Variants in EML6 observed in about 807,000 individuals in gnomAD.
EML6 encodes EMAP like 6, also known as echinoderm microtubule-associated protein-like 6.
Under a neutral mutation model 240.1 loss-of-function variants are expected in EML6, and 154 were observed. The observed-to-expected ratio is 0.64, with a 90% CI of 0.56 to 0.73. EML6 has a LOEUF of 0.73. EML6 is among the 30% of genes least tolerant of loss of function. The pLI is 0.00. For missense variants in EML6, 2,964 were observed against 2,474.6 expected (o/e 1.20, Z -4.20); for synonymous variants, 1,148 against 899.0 (o/e 1.28, Z -4.95).
chr2:54,913,282 G>T (rs1429157858), intron 25 of EML6, among the ~76,000 whole-genome samples: 2 of 149,468 alleles, frequency 1.3e-5, no homozygotes, highest in Admixed American at 6.7e-5. Context: ...GGGTCTTGCT[G>T]TATCACCCAG....
chr2:54,864,085 C>T (rs1670834004), intron 13 of EML6, among the ~76,000 whole-genome samples, 196 bp downstream of exon 13: 1 of 152,204 alleles, frequency 6.6e-6, no homozygotes, highest in Non-Finnish European at 1.5e-5. Flanking sequence ...AAATTTATTT[C>T]AGCAGAAAGT....
chr2:54,780,935 C>A (rs1668829177), intron 2 of EML6, among the ~76,000 whole-genome samples: 1 of 152,078 alleles, frequency 6.6e-6, no homozygotes, highest in Admixed American at 6.6e-5. Context: ...ATTTATAATT[C>A]TTTGGGCGGT....
chr2:54,934,871 A>G (rs1675055556), intron 28 of EML6, among the ~76,000 whole-genome samples: 1 of 152,204 alleles, frequency 6.6e-6, no homozygotes, highest in Non-Finnish European at 1.5e-5. Flanking sequence ...ATTTTTTTAC[A>G]TCTCAAACTG....
At chr2:54,748,618 G>T (rs555218648) in intron 2 of EML6, among the ~76,000 whole-genome samples, 1 of 152,222 alleles carries the variant, frequency 6.6e-6, no homozygotes, top group South Asian at 2.1e-4. Context: ...GGAGTGCAGT[G>T]GTAGGATCAT....
chr2:54,801,478 GT>G (rs1187248324), intron 2 of EML6, among the ~76,000 whole-genome samples: 1 of 152,210 alleles, frequency 6.6e-6, no homozygotes, highest in Non-Finnish European at 1.5e-5. Context: ...CAAAGTAGGA[GT>G]TTATTCATGC....
chr2:54,911,628 G>C (rs190852221), intron 25 of EML6, among the ~76,000 whole-genome samples: 23 of 152,028 alleles, frequency 1.5e-4, no homozygotes, highest in African/African-American at 5.5e-4. Context: ...GTAGAGATGG[G>C]GTTTCCCCAT....
At chr2:54,917,431 C>G (rs1287432830) in intron 26 of EML6, among the ~76,000 whole-genome samples, 1 of 146,422 alleles carries the variant, frequency 6.8e-6, no homozygotes, top group Non-Finnish European at 1.5e-5. Context: ...GTGGCGCCAT[C>G]TCGGCTGACC....
chr2:54,841,628 C>T (rs922597523), intron 7 of EML6, among the ~76,000 whole-genome samples: 6 of 137,708 alleles, frequency 4.4e-5, no homozygotes, highest in Admixed American at 3.0e-4. Flanking sequence ...CTTGCTCTGT[C>T]GCCCAGGCTG....
At chr2:54,811,298 G>C (rs1667829373) in intron 2 of EML6, among the ~76,000 whole-genome samples, 1 of 152,180 alleles carries the variant, frequency 6.6e-6, no homozygotes, top group Non-Finnish European at 1.5e-5. Flanking sequence ...GGCTAAGGCA[G>C]CTTTCAAGAG....
At chr2:54,936,382 G>T (rs1478551070) in intron 28 of EML6, among the ~76,000 whole-genome samples, 1 of 152,188 alleles carries the variant, frequency 6.6e-6, no homozygotes, top group Non-Finnish European at 1.5e-5. Flanking sequence ...AATGCCTCCT[G>T]TTTGACATAG....
chr2:54,905,980 A>G lies in EML6; in HGVS notation c.3409+2478A>G, dbSNP rs77408390. On this transcript the variant is annotated intron_variant, in intron 24 of 41. Transcript: ENST00000356458. ...TTCAGCCACTGTGAGTGATGCTGCT[A>G]TGAACATGGATGTACAAATATATCT... Among the ~76,000 whole-genome samples the G allele has an allele frequency of 3.5e-3, 539 of 152,346 alleles. 2 individuals carry two copies. The highest frequency in any genetic ancestry group is 5.5e-3 in the Admixed American group (84 of 15,306).
chr2:54,835,560 TCTC>T (rs1476816758), intron 7 of EML6, among the ~76,000 whole-genome samples: 4 of 152,158 alleles, frequency 2.6e-5, no homozygotes, highest in African/African-American at 9.7e-5. Flanking sequence ...TCCACTTAGT[TCTC>T]CTGCCCCAGA....
intron 26 of EML6, among the ~76,000 whole-genome samples, chr2:54,920,531 A>G (rs961921453): frequency 2.0e-5 from 3 of 152,340 alleles, no homozygotes; most frequent in East Asian, 3.9e-4. Flanking sequence ...CCTCCCAGAA[A>G]AGGCCAAGAC....
chr2:54,949,428 A>G (rs1003655445), intron 29 of EML6, among the ~76,000 whole-genome samples: 1 of 151,994 alleles, frequency 6.6e-6, no homozygotes. Context: ...TACTGTTTCC[A>G]TTTTCCCGAC....
chr2:54,968,181 A>T lies in EML6; in HGVS notation c.5651A>T (p.Asp1884Val). The change falls in exon 40 of 42, where the codon GAT (aspartate) becomes GTT (valine). Residue 1884 changes from aspartate to valine, a missense_variant. Physicochemically the swap from Asp to Val is radical, Grantham distance 152. Coordinates refer to ENST00000356458, the MANE Select transcript of EML6 (RefSeq NM_001039753.4). The part of the protein sequence containing the change: ...GIWPRNADKA[D>V]VNCACVTHAG... The stretch of plus-strand genomic sequence containing the variant: ...TGGCCACGAAATGCAGACAAGGCTG[A>T]TGTCAACTGCGCATGTGTGACCCAC... 6.4e-7 allele frequency: 1 copy of T among 1,551,708 alleles called. No homozygotes were observed. The highest frequency in any genetic ancestry group is 8.7e-7 in the Non-Finnish European group (1 of 1,147,004).
chr2:54,791,340 A>T (rs191086988), intron 2 of EML6, among the ~76,000 whole-genome samples: 26 of 152,324 alleles, frequency 1.7e-4, no homozygotes, highest in Non-Finnish European at 3.2e-4. Flanking sequence ...AGGTGCCTAC[A>T]TTCTGTCCAG....
chr2:54,794,468 C>G (rs1047100593), intron 2 of EML6, among the ~76,000 whole-genome samples: 1 of 152,118 alleles, frequency 6.6e-6, no homozygotes, highest in African/African-American at 2.4e-5. Flanking sequence ...CTGGCAGAAA[C>G]ATCTGAGGGA....
At chr2:54,759,708 G>C (rs1667895058) in intron 2 of EML6, among the ~76,000 whole-genome samples, 1 of 151,948 alleles carries the variant, frequency 6.6e-6, no homozygotes, top group South Asian at 2.1e-4. Flanking sequence ...TCATCACCAA[G>C]CTAGCATGTG....
At chr2:54,788,854 C>T (rs577922920) in intron 2 of EML6, among the ~76,000 whole-genome samples, 17 of 152,230 alleles carry the variant, frequency 1.1e-4, no homozygotes, top group African/African-American at 3.9e-4. Context: ...GTTTCATTTC[C>T]ATTGGCTAGA....
Sources: allele counts gnomAD v4.1 joint callset (sites outside exome capture counted in the v4.1 genomes callset), GRCh38; gene constraint gnomAD v4.1.1; transcripts MANE v1.5; gene names NCBI Gene and HGNC (gene_info 2026-07-23, HGNC 2026-07-21).